The following ZPLD1 variants were observed in gnomAD, a reference collection of about 807,000 sequenced individuals.
ZPLD1 encodes zona pellucida like domain containing 1.
In ZPLD1, 34 loss-of-function variants were observed where a neutral mutation model predicts 47.2. That is an observed-to-expected ratio of 0.72 (90% CI 0.55 to 0.96). The LOEUF (loss-of-function observed/expected upper bound fraction) is 0.96, where lower values mean the gene tolerates loss of function less well. Among genes scored for constraint, ZPLD1 ranks in the 40% least tolerant of loss-of-function variants. The pLI, the probability that ZPLD1 is intolerant of heterozygous loss-of-function variation, is 0.00. For missense variants in ZPLD1, 512 were observed against 505.8 expected, an observed-to-expected ratio of 1.01 and a Z score of -0.12; for synonymous variants, 176 against 186.2, an observed-to-expected ratio of 0.95 and a Z score of 0.45.
chr3:102,445,135 T>C (rs1181387815), intron 3 of ZPLD1, among the ~76,000 whole-genome samples: 1 of 152,214 alleles, frequency 6.6e-6, no homozygotes, highest in African/African-American at 2.4e-5. Context: ...TTCCTCCGGG[T>C]ATTAAACTGC....
At chr3:102,385,833 T>A (rs1444031395) in intron 6 of ZPLD1, among the ~76,000 whole-genome samples, 1 of 152,212 alleles carries the variant, frequency 6.6e-6, no homozygotes, top group Non-Finnish European at 1.5e-5. Flanking sequence ...ATGATTTAGT[T>A]TTAGTAGTAG....
intron 7 of ZPLD1, among the ~76,000 whole-genome samples, chr3:102,398,972 T>C (rs140235025): frequency 1.3e-5 from 2 of 152,240 alleles, no homozygotes; most frequent in Non-Finnish European, 1.5e-5. Flanking sequence ...GGATACAAGA[T>C]GGAACAATAA....
chr3:102,473,610 A>G (rs770490617), intron 10 of ZPLD1, among the ~76,000 whole-genome samples: 1 of 152,112 alleles, frequency 6.6e-6, no homozygotes, highest in Non-Finnish European at 1.5e-5. Context: ...GATAAATACA[A>G]TTTTGGCGTG....
At chr3:102,415,507 A>C (rs919102445) in intron 7 of ZPLD1, among the ~76,000 whole-genome samples, 5 of 151,890 alleles carry the variant, frequency 3.3e-5, no homozygotes, top group African/African-American at 1.2e-4. Context: ...ATTTGGATGG[A>C]TGCTACAAAC....
rs943118487 is a variant in ZPLD1, at chr3:102,402,254, T to A, written c.-157+10029T>A. 3.3e-5 allele frequency among the ~76,000 whole-genome samples: 5 copies of A among 152,058 alleles called. No homozygotes were observed. In the East Asian group the frequency reaches 7.8e-4, roughly 24 times the overall value. Reference sequence around the variant, plus strand: ...TGTCTTCAAAGTCAATTAGAAAAAATTTTAAATCACTTAAATATCTCTCTT... The same window carrying A: ...TGTCTTCAAAGTCAATTAGAAAAAAATTTAAATCACTTAAATATCTCTCTT... On this transcript the variant is annotated intron_variant, in intron 7 of 17. Transcript: ENST00000491959.
At chr3:102,388,912 T>G (rs1214319178) in intron 6 of ZPLD1, among the ~76,000 whole-genome samples, 1 of 152,194 alleles carries the variant, frequency 6.6e-6, no homozygotes, top group Admixed American at 6.5e-5. Flanking sequence ...GGCAAGAGTT[T>G]GACTTTTAAT....
Position 102,477,576 on chromosome 3 carries a change from A to G in ZPLD1, c.1206A>G (p.Thr402=). 6.2e-7 allele frequency: 1 copy of G among 1,613,558 alleles called. No individual in the cohort carries two copies. Among genetic ancestry groups the G allele is most frequent in the Non-Finnish European group, 8.5e-7 (1 of 1,179,664 alleles). ...SLALLHRKGP[T]SLVLNGIRNP... Reference sequence around the variant, plus strand: ...CCCTTCTGCACAGGAAGGGACCCACAAGTTTAGTGTTGAATGGCATAAGAA... The same window carrying G: ...CCCTTCTGCACAGGAAGGGACCCACGAGTTTAGTGTTGAATGGCATAAGAA... Residue 402 remains threonine, a synonymous_variant, in exon 12 of 12, where the codon ACA becomes ACG. Transcript: ENST00000466937.
chr3:102,392,010 C>T (rs570102250), intron 6 of ZPLD1, among the ~76,000 whole-genome samples: 1 of 152,140 alleles, frequency 6.6e-6, no homozygotes, highest in African/African-American at 2.4e-5. Flanking sequence ...AACCAACCAA[C>T]CAACAAACCA....
At chr3:102,438,686 G>C in intron 3 of ZPLD1, 93 bp downstream of exon 3, 1 of 886,516 alleles carries the variant, frequency 1.1e-6, no homozygotes, top group South Asian at 1.7e-5. Context: ...AGAACGGGGG[G>C]CTATCTCTTT....
At chr3:102,467,836 T>TACACACACACAC (rs61096565) in intron 8 of ZPLD1, among the ~76,000 whole-genome samples, 161 of 140,980 alleles carry the variant, frequency 1.1e-3, no homozygotes, top group Middle Eastern at 3.5e-3. Flanking sequence ...AATAAAACTG[T>TACACACACACAC]ACACACACAC....
intron 8 of ZPLD1, among the ~76,000 whole-genome samples, chr3:102,423,683 G>C (rs1006011797): frequency 6.6e-6 from 1 of 151,960 alleles, no homozygotes; most frequent in Non-Finnish European, 1.5e-5. Flanking sequence ...GAGGGACCTC[G>C]ACTATGATTT....
chr3:102,409,022 C>T (rs1706722329), intron 7 of ZPLD1, among the ~76,000 whole-genome samples: 1 of 151,768 alleles, frequency 6.6e-6, no homozygotes, highest in Non-Finnish European at 1.5e-5. Context: ...AACATACTGT[C>T]TTTGTTTTCT....
At chr3:102,474,885 C>T (rs1472720013) in intron 10 of ZPLD1, among the ~76,000 whole-genome samples, 1 of 151,996 alleles carries the variant, frequency 6.6e-6, no homozygotes, top group African/African-American at 2.4e-5. Context: ...ATGTACATGT[C>T]AAGACCAAGT....
At position 102,424,566 on chromosome 3, in the gene ZPLD1, G is replaced by C. The variant is rs147676406; in HGVS notation, c.-9+6359G>C. On this transcript the variant is annotated intron_variant, in intron 8 of 17. Transcript: ENST00000491959. ...ATTTCCTCTTGTTTGCTACTTCTGCGAACCCAATCAAAACTTGTCTGTGGG... is the reference window on the plus strand; with the variant it reads ...ATTTCCTCTTGTTTGCTACTTCTGCCAACCCAATCAAAACTTGTCTGTGGG... Among the ~76,000 whole-genome samples the C allele has an allele frequency of 3.3e-5, 5 of 152,202 alleles. 1 individual carries two copies. Among genetic ancestry groups the C allele is most frequent in the Admixed American group, 6.6e-5 (1 of 15,266 alleles).
At chr3:102,427,406 A>G (rs952637153) in intron 8 of ZPLD1, among the ~76,000 whole-genome samples, 4 of 152,210 alleles carry the variant, frequency 2.6e-5, no homozygotes, top group African/African-American at 9.6e-5. Context: ...GACCAGAGGT[A>G]GATATGAGGG....
intron 7 of ZPLD1, among the ~76,000 whole-genome samples, chr3:102,392,668 T>C (rs1706510846): frequency 6.6e-6 from 1 of 152,100 alleles, no homozygotes; most frequent in Non-Finnish European, 1.5e-5. Flanking sequence ...AATCTATGAA[T>C]GGTTTAATCC....
intron 6 of ZPLD1, among the ~76,000 whole-genome samples, chr3:102,386,436 C>A (rs930942045): frequency 2.0e-5 from 3 of 151,988 alleles, no homozygotes; most frequent in Admixed American, 1.3e-4. Context: ...TTAATTCTTT[C>A]ATCACAGGCA....
At chr3:102,460,670 A>G (rs1469214704) in intron 6 of ZPLD1, among the ~76,000 whole-genome samples, 2 of 152,000 alleles carry the variant, frequency 1.3e-5, no homozygotes, top group African/African-American at 4.8e-5. Flanking sequence ...ATATATTACT[A>G]ATGAGTAAAA....
chr3:102,414,617 G>A (rs974700364), intron 7 of ZPLD1, among the ~76,000 whole-genome samples: 1 of 151,784 alleles, frequency 6.6e-6, no homozygotes, highest in Non-Finnish European at 1.5e-5. Context: ...CAGTTACCTA[G>A]TAAAGCTAGT....
Sources: allele counts gnomAD v4.1 joint callset (sites outside exome capture counted in the v4.1 genomes callset), GRCh38; gene constraint gnomAD v4.1.1; transcripts MANE v1.5; gene names NCBI Gene and HGNC (gene_info 2026-07-23, HGNC 2026-07-21).